Variants in STAG1 observed in about 807,000 individuals in gnomAD.
STAG1 encodes the protein cohesin subunit SA-1.
Under a neutral mutation model 170.9 loss-of-function variants are expected in STAG1, and 26 were observed. The ratio of observed to expected loss-of-function variants is 0.15; its 90% CI spans 0.11 to 0.21. The LOEUF (loss-of-function observed/expected upper bound fraction) is 0.21, where lower values mean the gene tolerates loss of function less well. Ranked by LOEUF, STAG1 falls within the 10% of genes least tolerant of loss-of-function variation. The pLI is 1.00. For missense variants in STAG1, 964 were observed against 1,509.5 expected (o/e 0.64, Z 5.99); for synonymous variants, 514 against 497.7 (o/e 1.03, Z -0.44).
At chr3:136,352,213 G>A (rs1936460806) in intron 28 of STAG1, among the ~76,000 whole-genome samples, 3 of 152,080 alleles carry the variant, frequency 2.0e-5, no homozygotes, top group Non-Finnish European at 4.4e-5. Flanking sequence ...CGAGGTTGGA[G>A]TGCAGTGGCA....
chr3:136,419,569 A>G (rs924417963), intron 20 of STAG1, among the ~76,000 whole-genome samples: 1 of 151,284 alleles, frequency 6.6e-6, no homozygotes, highest in African/African-American at 2.4e-5. Flanking sequence ...CATAGCCCCA[A>G]GAGTAGCTGG....
At chr3:136,549,639 A>G (rs1373712308) in intron 5 of STAG1, among the ~76,000 whole-genome samples, 3 of 139,254 alleles carry the variant, frequency 2.2e-5, no homozygotes, top group African/African-American at 7.8e-5. Flanking sequence ...CTGTTAACAG[A>G]AACAATTTCA....
In STAG1 at chr3:136,452,018, T is replaced by G; in HGVS notation, c.1428+15A>C. The G allele has an allele frequency of 6.6e-7, 1 of 1,526,680 alleles. No individual in the cohort carries two copies. Among genetic ancestry groups the G allele is most frequent in the Non-Finnish European group, 9.0e-7 (1 of 1,114,776 alleles). 94.6% of individuals were successfully genotyped at this position (1,526,680 alleles called of 1,614,324 possible). A position where few individuals can be genotyped will look rare whatever the true frequency, so the allele number is the denominator to read the frequency against. ...TAATAAAAGAAATAAGGAATTATCT[T>G]AAAACATTTTTTACCTCACTTTCAA... On this transcript the variant is annotated intron_variant, in intron 14 of 33. Transcript: ENST00000383202.
intron 19 of STAG1, among the ~76,000 whole-genome samples, chr3:136,421,926 G>A (rs895801968): frequency 6.6e-5 from 10 of 151,976 alleles, no homozygotes; most frequent in African/African-American, 1.9e-4. Context: ...TGAGGTGGGC[G>A]GATCACTTGA....
intron 1 of STAG1, among the ~76,000 whole-genome samples, chr3:136,682,997 C>T (rs142547332): frequency 3.9e-5 from 6 of 152,008 alleles, no homozygotes; most frequent in African/African-American, 9.7e-5. Flanking sequence ...TTGTGTTAAG[C>T]GAAATAAGTC....
At chr3:136,726,433 T>A (rs575459607) in intron 1 of STAG1, among the ~76,000 whole-genome samples, 27 of 152,142 alleles carry the variant, frequency 1.8e-4, no homozygotes, top group Non-Finnish European at 3.5e-4. Context: ...TAGAAGAATA[T>A]GTTTTGTTTT....
intron 23 of STAG1, among the ~76,000 whole-genome samples, chr3:136,372,659 T>G (rs1937406717): frequency 1.3e-5 from 2 of 152,214 alleles, no homozygotes; most frequent in South Asian, 4.1e-4. Flanking sequence ...TTTATTGATT[T>G]TCCTATGTTG....
At chr3:136,736,952 A>G in intron 1 of STAG1, 2 of 1,597,110 alleles carry the variant, frequency 1.3e-6, no homozygotes, top group Admixed American at 1.7e-5. Flanking sequence ...ACAGCCTCAA[A>G]AGCCTTTTGT....
At chr3:136,384,383 T>A (rs911497215) in intron 22 of STAG1, among the ~76,000 whole-genome samples, 1 of 149,328 alleles carries the variant, frequency 6.7e-6, no homozygotes, top group Non-Finnish European at 1.5e-5. Flanking sequence ...CTTGGAGGTG[T>A]AGGTTACAGA....
chr3:136,726,347 T>A (rs1254173094), intron 1 of STAG1, among the ~76,000 whole-genome samples: 1 of 152,192 alleles, frequency 6.6e-6, no homozygotes, highest in Non-Finnish European at 1.5e-5. Flanking sequence ...TATTCCCAGT[T>A]GTGACAATCA....
In STAG1 at chr3:136,662,808, T is replaced by C. The variant is rs546985034; in HGVS notation, c.-83-31827A>G. The stretch of plus-strand genomic sequence containing the variant: ...GCTAACATCTGTTAATCCCAGCATT[T>C]TGGGGAGCCAACGTGCGTGGATCAC... On this transcript the variant is annotated intron_variant, in intron 1 of 33. Transcript: ENST00000383202. Among the ~76,000 whole-genome samples the C allele has an allele frequency of 8.5e-5, 13 of 152,300 alleles. No homozygotes were observed. In the South Asian group the frequency reaches 2.1e-3, roughly 24 times the overall value.
At chr3:136,462,547 T>C (rs147914935) in intron 13 of STAG1, among the ~76,000 whole-genome samples, 2 of 151,974 alleles carry the variant, frequency 1.3e-5, no homozygotes, top group Admixed American at 6.6e-5. Context: ...TAAAGAGAGG[T>C]TGGTTAATGG....
intron 9 of STAG1, among the ~76,000 whole-genome samples, chr3:136,495,970 C>CAAA (rs35882097): frequency 1.4e-4 from 9 of 64,070 alleles, no homozygotes; most frequent in African/African-American, 2.1e-4. Context: ...GACTCCGTCT[C>CAAA]AAAAAAAAAA....
chr3:136,751,081 G>A (rs767233993), intron 1 of STAG1, among the ~76,000 whole-genome samples: 8 of 151,928 alleles, frequency 5.3e-5, no homozygotes, highest in Non-Finnish European at 8.8e-5. Flanking sequence ...TTGCGAAGAT[G>A]CAAGTCTTTC....
intron 1 of STAG1, among the ~76,000 whole-genome samples, chr3:136,651,412 T>C (rs1203722467): frequency 6.7e-6 from 1 of 149,900 alleles, no homozygotes; most frequent in Non-Finnish European, 1.5e-5. Flanking sequence ...GTAAAGTAGA[T>C]TAGATTCAAC....
intron 16 of STAG1, among the ~76,000 whole-genome samples, chr3:136,427,145 C>T (rs1223344484): frequency 2.6e-5 from 4 of 151,382 alleles, no homozygotes; most frequent in Non-Finnish European, 5.9e-5. Context: ...AGGAGAATCG[C>T]TTGAACCCGG....
intron 1 of STAG1, among the ~76,000 whole-genome samples, chr3:136,733,286 A>G (rs777328502): frequency 1.3e-5 from 2 of 151,732 alleles, no homozygotes; most frequent in East Asian, 2.0e-4. Flanking sequence ...GGGTTTCGCT[A>G]TGTTGCCCAG....
At chr3:136,611,678 T>C (rs1301959430) in intron 3 of STAG1, among the ~76,000 whole-genome samples, 1 of 143,072 alleles carries the variant, frequency 7.0e-6, no homozygotes, top group Non-Finnish European at 1.5e-5. Flanking sequence ...TTTTTTTTTT[T>C]TTTTTTTGGT....
intron 4 of STAG1, among the ~76,000 whole-genome samples, chr3:136,593,756 A>G (rs1301050724): frequency 6.6e-6 from 1 of 152,184 alleles, no homozygotes; most frequent in Non-Finnish European, 1.5e-5. Flanking sequence ...TCTGTACCCA[A>G]TATTTTGCAC....
Sources: gnomAD v4.1 joint callset for allele counts (sites outside exome capture counted in the v4.1 genomes callset) on GRCh38, gnomAD v4.1.1 for gene constraint, MANE v1.5 for transcripts, NCBI Gene and HGNC (gene_info 2026-07-23, HGNC 2026-07-21) for gene names.